DNAI4: variants seen among roughly 807,000 people sequenced by gnomAD.
DNAI4 encodes the protein WD repeat domain 78.
A neutral mutation model predicts 105.8 loss-of-function variants in DNAI4; 85 were observed. That is an observed-to-expected ratio of 0.80 (90% confidence interval 0.67 to 0.96). The LOEUF (loss-of-function observed/expected upper bound fraction) is 0.96. Ranked by LOEUF, DNAI4 falls within the 40% of genes least tolerant of loss-of-function variation. The pLI, the probability that DNAI4 is intolerant of heterozygous loss-of-function variation, is 0.00. For synonymous variants in DNAI4, 352 were observed against 331.5 expected, an observed-to-expected ratio of 1.06 and a Z score of -0.67; for missense variants, 1,014 against 1,005.6, an observed-to-expected ratio of 1.01 and a Z score of -0.11.
At chr1:66,875,056 G>C (rs1646932754) in intron 4 of DNAI4, 119 bp from the exon 5 acceptor site, 1 of 969,202 alleles carries the variant, frequency 1.0e-6, no homozygotes, top group East Asian at 2.7e-5. Flanking sequence ...ATATAGTCAA[G>C]GAACAGGCCA....
chr1:66,905,775 AAATT>A (rs1649195734), intron 1 of DNAI4, among the ~76,000 whole-genome samples: 1 of 152,144 alleles, frequency 6.6e-6, no homozygotes, highest in South Asian at 2.1e-4. Flanking sequence ...AGGATTAAAT[AAATT>A]AATTTTTGTA....
Position 66,923,835 on chromosome 1 carries a change from T to A in DNAI4, c.170+827A>T, listed in dbSNP as rs372974015. Among the ~76,000 whole-genome samples, 10 of 152,184 alleles carry A rather than the reference T, an allele frequency of 6.6e-5. No individual in the cohort carries two copies. In the East Asian group the frequency reaches 1.3e-3, roughly 21 times the overall value. On this transcript the variant is annotated intron_variant, in intron 1 of 16. Transcript: ENST00000371026. ...TTTTGGGGGAACTTAGTGGGCAGCA[T>A]TACGGGCAGCGCTAAGGAACCATTT...
chr1:66,924,566 G>C (rs1232131590), intron 1 of DNAI4, 96 bp downstream of exon 1: 6 of 1,549,594 alleles, frequency 3.9e-6, no homozygotes, highest in South Asian at 3.4e-5. Flanking sequence ...AGTTAGGGTA[G>C]GGCCCCTTTC....
At position 66,822,382 on chromosome 1, in the gene DNAI4, A is replaced by C. The variant is rs748969398; in HGVS notation, c.2475T>G (p.Pro825=). The change falls in exon 16 of 17, where the codon CCT becomes CCG. Residue 825 remains proline, a synonymous_variant. Transcript: ENST00000371026. ...TTACCCGGCCAGTTTCCAAAACAGTAGGCATATTTCTCAGTTCATACACAG... is the reference window on the plus strand; with the variant it reads ...TTACCCGGCCAGTTTCCAAAACAGTCGGCATATTTCTCAGTTCATACACAG... ...QVSVYELRNM[P]TVLETGRGDI... The C allele has an allele frequency of 6.2e-7, 1 of 1,607,038 alleles. No homozygotes were observed. Among genetic ancestry groups the C allele is most frequent in the Non-Finnish European group, 8.5e-7 (1 of 1,177,966 alleles).
intron 4 of DNAI4, 44 bp downstream of exon 4, chr1:66,891,110 A>T (rs1162451743): frequency 1.5e-6 from 2 of 1,376,340 alleles, no homozygotes; most frequent in Non-Finnish European, 2.1e-6. Flanking sequence ...CATATTGACT[A>T]AATAACGGAC....
chr1:66,833,897 G>T, intron 12 of DNAI4, 94 bp downstream of exon 12: 1 of 1,453,508 alleles, frequency 6.9e-7, no homozygotes, highest in Non-Finnish European at 9.2e-7. Flanking sequence ...TTTCTTATTG[G>T]CCAAACCAAA....
rs1232267882 is a variant in DNAI4 at position 66,850,019 on chromosome 1, C to A, written c.1097-2341G>T. On this transcript the variant is annotated intron_variant, in intron 7 of 16. Transcript: ENST00000371026. Reference sequence around the variant, plus strand: ...TACTTAAAGAAATAATAGCTGAAAACTTCCAAAATTTGGCAAAGGACAATA... The same window carrying A: ...TACTTAAAGAAATAATAGCTGAAAAATTCCAAAATTTGGCAAAGGACAATA... Among the ~76,000 whole-genome samples, 3 of 151,792 alleles carry A rather than the reference C, an allele frequency of 2.0e-5. No individual in the cohort carries two copies. The East Asian group carries it at 5.8e-4, about 29-fold the overall frequency.
intron 1 of DNAI4, among the ~76,000 whole-genome samples, chr1:66,911,044 C>A (rs1249115374): frequency 6.6e-6 from 1 of 152,148 alleles, no homozygotes; most frequent in Non-Finnish European, 1.5e-5. Context: ...ATCCTACAGG[C>A]AGAGAGCTCA....
intron 5 of DNAI4, 88 bp from the exon 6 acceptor site, chr1:66,871,597 C>T (rs917648765): frequency 1.7e-5 from 23 of 1,325,714 alleles, no homozygotes; most frequent in Middle Eastern, 5.5e-4. Context: ...CCTAAAATTA[C>T]TTTCCTTAAT....
chr1:66,833,639 ATCTT>A lies in DNAI4; in HGVS notation c.1955_1958del (p.Lys652MetfsTer4). 6.2e-7 allele frequency: 1 copy of A among 1,613,412 alleles called. No individual in the cohort carries two copies. Among genetic ancestry groups the A allele is most frequent in the Non-Finnish European group, 8.5e-7 (1 of 1,179,576 alleles). ...GAGCCTGTCGAGATATCAAAGCTTC[ATCTT>A]TCTTTTCCTTTTCCCCTCCTTTTTT... On this transcript the variant is annotated frameshift_variant, in exon 13 of 17. Coordinates refer to ENST00000371026, the MANE Select transcript of DNAI4 (RefSeq NM_024763.5). LOFTEE classifies it high-confidence loss of function.
At chr1:66,870,117 T>C (rs913130483) in intron 6 of DNAI4, among the ~76,000 whole-genome samples, 3 of 152,214 alleles carry the variant, frequency 2.0e-5, no homozygotes, top group African/African-American at 4.8e-5. Flanking sequence ...AACTAGCTTA[T>C]AGTTTTGCTG....
chr1:66,892,693 G>A (rs1024955210), intron 3 of DNAI4, among the ~76,000 whole-genome samples: 3 of 151,950 alleles, frequency 2.0e-5, no homozygotes, highest in Non-Finnish European at 4.4e-5. Flanking sequence ...ATCACCTGAG[G>A]TCAGGAGTTC....
rs750351374 is a variant in DNAI4, at chr1:66,874,923, T to C, written c.658A>G (p.Arg220Gly). The part of the protein sequence containing the change: ...LTSFTDLQVI[R>G]AAPEKIVTKE... ...GTTACAATTTTTTCAGGTGCTGCCC[T>C]TATAACTTGCAAATCTAAAATACAT... Residue 220 changes from arginine to glycine, a missense_variant, in exon 5 of 17, where the codon AGG becomes GGG. Coordinates refer to ENST00000371026, the MANE Select transcript of DNAI4 (RefSeq NM_024763.5). 3 of 1,593,234 alleles carry C rather than the reference T, an allele frequency of 1.9e-6. No homozygotes were observed. The East Asian group carries it at 6.7e-5, about 36-fold the overall frequency.
intron 6 of DNAI4, among the ~76,000 whole-genome samples, chr1:66,868,254 T>C (rs1331330304): frequency 1.3e-5 from 2 of 152,240 alleles, no homozygotes; most frequent in Non-Finnish European, 2.9e-5. Context: ...AATGTTTTGT[T>C]AACCTTGTTT....
intron 1 of DNAI4, among the ~76,000 whole-genome samples, chr1:66,910,377 C>T (rs1258097326): frequency 2.0e-5 from 3 of 152,310 alleles, no homozygotes; most frequent in South Asian, 4.1e-4. Flanking sequence ...TTTCATCTTT[C>T]GTGATCTCTT....
chr1:66,824,476 T>C (rs947364305), intron 15 of DNAI4, among the ~76,000 whole-genome samples: 11 of 152,230 alleles, frequency 7.2e-5, no homozygotes, highest in Admixed American at 3.3e-4. Flanking sequence ...GGGGATGGCA[T>C]TGAATCTGTA....
chr1:66,858,519 CAA>C (rs1392855861), intron 7 of DNAI4, among the ~76,000 whole-genome samples: 1 of 110,142 alleles, frequency 9.1e-6, no homozygotes, highest in Non-Finnish European at 1.7e-5. Flanking sequence ...GGCAACAGAG[CAA>C]GACTCCGTCT....
intron 6 of DNAI4, among the ~76,000 whole-genome samples, chr1:66,862,788 T>C (rs1441332350): frequency 6.6e-6 from 1 of 152,182 alleles, no homozygotes; most frequent in African/African-American, 2.4e-5. Flanking sequence ...CCCTTCCCAC[T>C]ACCCCACACC....
chr1:66,839,840 C>T (rs927587114), intron 9 of DNAI4, among the ~76,000 whole-genome samples: 5 of 152,272 alleles, frequency 3.3e-5, no homozygotes, highest in Admixed American at 1.3e-4. Context: ...TTTCACCTAC[C>T]AGTTGTGTGA....
Sources: gnomAD v4.1 joint callset for allele counts (sites outside exome capture counted in the v4.1 genomes callset) on GRCh38, gnomAD v4.1.1 for gene constraint, MANE v1.5 for transcripts, NCBI Gene and HGNC (gene_info 2026-07-23, HGNC 2026-07-21) for gene names.